CRYBB1: variants seen among roughly 807,000 people sequenced by gnomAD.
CRYBB1 encodes the protein crystallin beta B1, also known as beta-crystallin B1.
A neutral mutation model predicts 29.5 loss-of-function variants in CRYBB1; 16 were observed. The observed-to-expected ratio is 0.54, with a 90% CI of 0.37 to 0.82. The LOEUF is 0.82. Ranked by LOEUF, CRYBB1 falls within the 40% of genes least tolerant of loss-of-function variation. The pLI is 0.00. For synonymous variants in CRYBB1, 127 were observed against 136.7 expected (o/e 0.93, Z 0.49); for missense variants, 300 against 350.5 (o/e 0.86, Z 1.15).
intron 4 of CRYBB1, among the ~76,000 whole-genome samples, chr22:26,603,634 G>T (rs1928890210): frequency 6.6e-6 from 1 of 152,048 alleles, no homozygotes; most frequent in Admixed American, 6.6e-5. Flanking sequence ...GCCGGGCGCG[G>T]TGGCTCACGC....
At position 26,599,380 on chromosome 22, in the gene CRYBB1, A is replaced by T. The variant is rs533431228; in HGVS notation, c.*110T>A. ...GACCTCAAGGCACACATCTGTTTAC[A>T]GATCCAGGAGAAATTTTGGCTTTAG... is the stretch of plus-strand genomic sequence containing the variant. On this transcript the variant is annotated 3_prime_UTR_variant, in exon 6 of 6. Coordinates refer to ENST00000647684, the MANE Select transcript of CRYBB1 (RefSeq NM_001887.4). The T allele has an allele frequency of 1.9e-5, 20 of 1,064,984 alleles. No homozygotes were observed. Among genetic ancestry groups the T allele is most frequent in the Non-Finnish European group, 2.5e-5 (18 of 712,174 alleles). 66.0% of individuals were successfully genotyped at this position (1,064,984 alleles called of 1,614,324 possible). A position where few individuals can be genotyped will look rare whatever the true frequency, so the allele number is the denominator to read the frequency against.
In CRYBB1 at chr22:26,601,962, T is replaced by G. The variant is rs145063923; in HGVS notation, c.492A>C (p.Ile164=). The G allele has an allele frequency of 1.2e-6, 2 of 1,613,652 alleles. No individual in the cohort carries two copies. Among genetic ancestry groups the G allele is most frequent in the Admixed American group, 3.3e-5 (2 of 60,016 alleles). Residue 164 remains isoleucine (I), a synonymous_variant, in exon 5 of 6, where the codon ATA becomes ATC. Coordinates refer to ENST00000647684, the MANE Select transcript of CRYBB1 (RefSeq NM_001887.4). The part of the protein sequence containing the change: ...FEGANFKGNT[I]EIQGDDAPSL... ...TGGGTGCGTCGTCCCCCTGGATCTC[T>G]ATGGTGTTGCCCTTGAAGTTGGCCC... is the stretch of plus-strand genomic sequence containing the variant.
At chr22:26,603,537 C>T (rs917576395) in intron 4 of CRYBB1, among the ~76,000 whole-genome samples, 9 of 148,320 alleles carry the variant, frequency 6.1e-5, no homozygotes, top group African/African-American at 2.2e-4. Flanking sequence ...CAAACAACAA[C>T]AACAAAAAAG....
chr22:26,608,298 GTGTGATTATCTGAGCACAC>G (rs1929050154), intron 3 of CRYBB1, among the ~76,000 whole-genome samples: 1 of 152,196 alleles, frequency 6.6e-6, no homozygotes, highest in African/African-American at 2.4e-5. Context: ...AGATAAATGT[GTGTGATTATCTGAGCACAC>G]TGTTTCTCTA....
At chr22:26,611,967 A>C in intron 3 of CRYBB1, 105 bp downstream of exon 3, 1 of 823,858 alleles carries the variant, frequency 1.2e-6, no homozygotes, top group East Asian at 2.4e-5. Flanking sequence ...TGCCAGGAGT[A>C]CGAACGGCCG....
At chr22:26,612,363 T>TTTTG (rs1334561158) in intron 2 of CRYBB1, among the ~76,000 whole-genome samples, 173 bp from the exon 3 acceptor site, 1 of 152,154 alleles carries the variant, frequency 6.6e-6, no homozygotes, top group South Asian at 2.1e-4. Flanking sequence ...GATTTTTGTT[T>TTTTG]TTTGTTTGTT....
At chr22:26,616,103 G>A (rs149767692) in intron 2 of CRYBB1, 37 bp downstream of exon 2, 1 of 1,538,824 alleles carries the variant, frequency 6.5e-7, no homozygotes, top group Non-Finnish European at 9.0e-7. Context: ...AAGGAAAGAA[G>A]GCATGGCACC....
At chr22:26,614,859 T>C (rs1416513594) in intron 2 of CRYBB1, among the ~76,000 whole-genome samples, 1 of 152,010 alleles carries the variant, frequency 6.6e-6, no homozygotes, top group Non-Finnish European at 1.5e-5. Context: ...TAAATATACA[T>C]GTGTATGTGT....
At chr22:26,607,787 C>T in intron 4 of CRYBB1, 102 bp downstream of exon 4, 3 of 1,549,564 alleles carry the variant, frequency 1.9e-6, no homozygotes, top group Non-Finnish European at 2.7e-6. Flanking sequence ...GCCACGCCTC[C>T]CTACCCACCA....
chr22:26,616,110 C>T (rs1395794653), intron 2 of CRYBB1, 30 bp downstream of exon 2: 3 of 1,585,514 alleles, frequency 1.9e-6, no homozygotes, highest in South Asian at 1.1e-5. Flanking sequence ...GAAGGCATGG[C>T]ACCCAGCCAC....
Position 26,602,022 on chromosome 22 carries a change from C to G in CRYBB1, c.433-1G>C. ...GGGAGATTTTGTGCTCCTGGGCATC[C>G]TGGGGAAAGAGAGGCCGGGTCAGGT... On this transcript the variant is annotated splice_acceptor_variant, in intron 4 of 5. Coordinates refer to ENST00000647684, the MANE Select transcript of CRYBB1 (RefSeq NM_001887.4). LOFTEE classifies it high-confidence loss of function. The G allele has an allele frequency of 6.2e-7, 1 of 1,613,574 alleles. No individual in the cohort carries two copies. The highest frequency in any genetic ancestry group is 8.5e-7 in the Non-Finnish European group (1 of 1,179,882).
chr22:26,601,993 A>G lies in CRYBB1; in HGVS notation c.461T>C (p.Phe154Ser), dbSNP rs919298116. 3 of 1,613,702 alleles carry G rather than the reference A, an allele frequency of 1.9e-6. No homozygotes were observed. The highest frequency in any genetic ancestry group is 2.2e-5 in the East Asian group (1 of 44,868). ...GTTGCCCTTGAAGTTGGCCCCTTCA[A>G]ACAGGGAGATTTTGTGCTCCTGGGC... ...MDAQEHKISLFEGANFKGNTI... is the reference protein window; with the variant it reads ...MDAQEHKISLSEGANFKGNTI... Residue 154 changes from phenylalanine (F) to serine (S), a missense_variant, in exon 5 of 6, where the codon TTT (phenylalanine) becomes TCT (serine). Coordinates refer to ENST00000647684, the MANE Select transcript of CRYBB1 (RefSeq NM_001887.4).
At chr22:26,600,139 A>C (rs1301593932) in intron 5 of CRYBB1, among the ~76,000 whole-genome samples, 1 of 152,090 alleles carries the variant, frequency 6.6e-6, no homozygotes, top group Non-Finnish European at 1.5e-5. Context: ...CGGTGGCTCA[A>C]GCCTGTAATC....
chr22:26,611,763 C>T (rs996937795), intron 3 of CRYBB1, among the ~76,000 whole-genome samples: 4 of 152,128 alleles, frequency 2.6e-5, no homozygotes, highest in Admixed American at 6.5e-5. Flanking sequence ...CGTGAGCCAC[C>T]GCGCCCGGCC....
At chr22:26,604,886 G>A (rs902456093) in intron 4 of CRYBB1, among the ~76,000 whole-genome samples, 1 of 152,072 alleles carries the variant, frequency 6.6e-6, no homozygotes, top group African/African-American at 2.4e-5. Context: ...CTGCTAGAGG[G>A]GTCAAGACTG....
chr22:26,610,486 T>C (rs1929123828), intron 3 of CRYBB1, among the ~76,000 whole-genome samples: 1 of 152,144 alleles, frequency 6.6e-6, no homozygotes, highest in Non-Finnish European at 1.5e-5. Context: ...ACTCTGGGTT[T>C]GAGTCACTGG....
In CRYBB1 at chr22:26,612,196, G is replaced by A. The variant is rs1860980744; in HGVS notation, c.181-6C>T. The A allele has an allele frequency of 6.2e-7, 1 of 1,603,008 alleles. No individual in the cohort carries two copies. Among genetic ancestry groups the A allele is most frequent in the Non-Finnish European group, 8.5e-7 (1 of 1,170,008 alleles). ...TCCAGTTCGAAGACCACCAGCTGCA[G>A]GAGAGAAGCCCCCATGCCAAGGGCA... On this transcript the variant is annotated splice_polypyrimidine_tract_variant and splice_region_variant and intron_variant, in intron 2 of 5. Transcript: ENST00000647684.
At chr22:26,602,084 G>T (rs1928839702) in intron 4 of CRYBB1, 63 bp from the exon 5 acceptor site, 1 of 1,598,332 alleles carries the variant, frequency 6.3e-7, no homozygotes, top group Non-Finnish European at 8.5e-7. Context: ...AAGAAACTTA[G>T]CGGGGCCTTC....
chr22:26,599,302 A>G lies in CRYBB1; in HGVS notation c.*188T>C. On this transcript the variant is annotated 3_prime_UTR_variant, in exon 6 of 6. Coordinates refer to ENST00000647684, the MANE Select transcript of CRYBB1 (RefSeq NM_001887.4). ...GAACTTTTCAGTGTTTGCTGCTTTT[A>G]TTATCGTTGTAATTATTAAGAGCGA... 5.0e-6 allele frequency: 3 copies of G among 605,424 alleles called. No homozygotes were observed. In the South Asian group the frequency reaches 6.3e-5, roughly 13 times the overall value. 37.5% of individuals were successfully genotyped at this position (605,424 alleles called of 1,614,324 possible). A position where few individuals can be genotyped will look rare whatever the true frequency, so the allele number is the denominator to read the frequency against.
Sources: allele counts gnomAD v4.1 joint callset (sites outside exome capture counted in the v4.1 genomes callset), GRCh38; gene constraint gnomAD v4.1.1; transcripts MANE v1.5; gene names NCBI Gene and HGNC (gene_info 2026-07-23, HGNC 2026-07-21).